COG6: variants seen among roughly 807,000 people sequenced by gnomAD.
COG6 encodes the protein conserved oligomeric Golgi complex subunit 6.
Under a neutral mutation model 88.8 loss-of-function variants are expected in COG6, and 74 were observed. The observed-to-expected ratio is 0.83, with a 90% confidence interval of 0.69 to 1.01. The LOEUF (loss-of-function observed/expected upper bound fraction) is 1.01, where lower values mean the gene tolerates loss of function less well. COG6 is among the 50% of genes least tolerant of loss of function. COG6 has a pLI of 0.00. For synonymous variants in COG6, 286 were observed against 278.7 expected, an observed-to-expected ratio of 1.03 and a Z score of -0.26; for missense variants, 800 against 797.9, an observed-to-expected ratio of 1.00 and a Z score of -0.03.
At chr13:39,703,605 G>A (rs1348416941) in intron 13 of COG6, among the ~76,000 whole-genome samples, 2 of 151,242 alleles carry the variant, frequency 1.3e-5, no homozygotes, top group Non-Finnish European at 2.9e-5. Context: ...TTTTCCCTTG[G>A]GAGCATTCCA....
chr13:39,681,851 A>G (rs1443480389), intron 7 of COG6, among the ~76,000 whole-genome samples: 1 of 152,086 alleles, frequency 6.6e-6, no homozygotes, highest in Non-Finnish European at 1.5e-5. Context: ...TAATACTGTC[A>G]TGTATATGGC....
intron 15 of COG6, 53 bp downstream of exon 15, chr13:39,719,880 G>C: frequency 7.1e-7 from 1 of 1,399,984 alleles, no homozygotes; most frequent in Non-Finnish European, 1.0e-6. Flanking sequence ...TTTTCTCTAT[G>C]TGATAGCTTT....
intron 18 of COG6, among the ~76,000 whole-genome samples, chr13:39,764,646 A>G (rs941543425): frequency 6.6e-6 from 1 of 152,024 alleles, no homozygotes; most frequent in African/African-American, 2.4e-5. Context: ...TTACTTAGAA[A>G]TATATTTTCA....
At chr13:39,735,675 C>G (rs1879700734) in intron 18 of COG6, among the ~76,000 whole-genome samples, 4 of 139,432 alleles carry the variant, frequency 2.9e-5, no homozygotes, top group African/African-American at 1.1e-4. Context: ...TTTAGCATTT[C>G]TTGTAGGACA....
At chr13:39,719,048 A>G (rs1346073777) in intron 13 of COG6, among the ~76,000 whole-genome samples, 188 bp from the exon 14 acceptor site, 1 of 152,184 alleles carries the variant, frequency 6.6e-6, no homozygotes, top group Non-Finnish European at 1.5e-5. Flanking sequence ...ATAATCTGAC[A>G]AAGAACTTTT....
intron 18 of COG6, among the ~76,000 whole-genome samples, chr13:39,741,640 A>C (rs1011091743): frequency 6.6e-6 from 1 of 152,194 alleles, no homozygotes; most frequent in East Asian, 1.9e-4. Flanking sequence ...GGTGTACCTG[A>C]AAGTGACAGG....
At chr13:39,746,945 A>T (rs1206592243) in intron 18 of COG6, among the ~76,000 whole-genome samples, 1 of 152,194 alleles carries the variant, frequency 6.6e-6, no homozygotes, top group African/African-American at 2.4e-5. Context: ...TTATTCATGT[A>T]GGTAGTTTTT....
chr13:39,779,480 T>G (rs1881564214), intron 18 of COG6, among the ~76,000 whole-genome samples: 1 of 152,226 alleles, frequency 6.6e-6, no homozygotes, highest in Non-Finnish European at 1.5e-5. Flanking sequence ...TGCATTCTTC[T>G]GTGTCACAAA....
intron 13 of COG6, among the ~76,000 whole-genome samples, chr13:39,717,278 ATG>A (rs1414496098): frequency 2.8e-4 from 42 of 150,978 alleles, no homozygotes; most frequent in Non-Finnish European, 1.2e-4. Context: ...TTTGATTATG[ATG>A]TGTGTTACTG....
Position 39,719,342 on chromosome 13 carries a change from A to G in COG6, c.1391A>G (p.Asp464Gly), listed in dbSNP as rs759828206. The change falls in exon 14 of 19, where the codon GAT becomes GGT. Residue 464 changes from aspartate (D) to glycine (G), a missense_variant. Physicochemically the swap from Asp to Gly is moderately conservative, Grantham distance 94. Coordinates refer to ENST00000455146, the MANE Select transcript of COG6 (RefSeq NM_020751.3). The stretch of plus-strand genomic sequence containing the variant: ...CACGATTCTTCAGTTGTACCATTAG[A>G]TGCTCGTCAAGCTGATTTTGTGCAG... ...ASHDSSVVPL[D>G]ARQADFVQVL... 1.2e-6 allele frequency: 2 copies of G among 1,612,662 alleles called. No homozygotes were observed. The highest frequency in any genetic ancestry group is 4.5e-5 in the East Asian group (2 of 44,818).
chr13:39,702,050 TAGAG>T (rs1254572872), intron 13 of COG6, among the ~76,000 whole-genome samples: 1 of 152,006 alleles, frequency 6.6e-6, no homozygotes, highest in African/African-American at 2.4e-5. Flanking sequence ...AATTAAAACT[TAGAG>T]AGTACCATGT....
At chr13:39,702,322 C>A (rs781077482) in intron 13 of COG6, among the ~76,000 whole-genome samples, 2 of 151,784 alleles carry the variant, frequency 1.3e-5, no homozygotes, top group Non-Finnish European at 2.9e-5. Context: ...TAGTATAACA[C>A]CGACATAAAA....
rs554810183 is a variant in COG6, at chr13:39,689,704, T to A, written c.1010-56T>A. The A allele has an allele frequency of 5.7e-5, 72 of 1,252,782 alleles. 2 individuals carry two copies. The South Asian group carries it at 8.7e-4, about 15-fold the overall frequency. 77.6% of individuals were successfully genotyped at this position (1,252,782 alleles called of 1,614,324 possible). On this transcript the variant is annotated intron_variant, in intron 10 of 18. Transcript: ENST00000455146. The stretch of plus-strand genomic sequence containing the variant: ...ATTATTTGTTAGTTTTTTGAACTTA[T>A]ATGAAGCAAAGTATAATATGGAAAC...
At chr13:39,742,255 A>G (rs1473761566) in intron 18 of COG6, among the ~76,000 whole-genome samples, 2 of 152,218 alleles carry the variant, frequency 1.3e-5, no homozygotes, top group African/African-American at 4.8e-5. Context: ...ACATAACAAT[A>G]TTAACCTTAA....
intron 11 of COG6, among the ~76,000 whole-genome samples, chr13:39,690,649 T>C (rs988273617): frequency 1.3e-5 from 2 of 152,018 alleles, no homozygotes; most frequent in Admixed American, 1.3e-4. Context: ...TTAAAATTAA[T>C]TTTATTTTAT....
intron 11 of COG6, among the ~76,000 whole-genome samples, chr13:39,690,089 T>G (rs1348324441): frequency 1.2e-5 from 1 of 83,402 alleles, no homozygotes; most frequent in Non-Finnish European, 2.6e-5. Context: ...CTTATTCAAT[T>G]GAGAAAAAAA....
intron 11 of COG6, among the ~76,000 whole-genome samples, chr13:39,694,432 T>A (rs1380243767): frequency 6.6e-6 from 1 of 151,792 alleles, no homozygotes; most frequent in East Asian, 1.9e-4. Context: ...TGGGTCAGAT[T>A]TTTGTAGAGT....
At chr13:39,681,246 G>A (rs1876296798) in intron 7 of COG6, among the ~76,000 whole-genome samples, 1 of 152,190 alleles carries the variant, frequency 6.6e-6, no homozygotes, top group Non-Finnish European at 1.5e-5. Flanking sequence ...CTCTGATCTG[G>A]TTGGTTAAGT....
At chr13:39,705,133 T>C (rs1877812092) in intron 13 of COG6, among the ~76,000 whole-genome samples, 1 of 152,338 alleles carries the variant, frequency 6.6e-6, no homozygotes, top group East Asian at 1.9e-4. Context: ...TATTGTAGCA[T>C]GTTCTTCATT....
Sources: allele counts gnomAD v4.1 joint callset (sites outside exome capture counted in the v4.1 genomes callset), GRCh38; gene constraint gnomAD v4.1.1; transcripts MANE v1.5; gene names NCBI Gene and HGNC (gene_info 2026-07-23, HGNC 2026-07-21).